EFNA5: variants seen among roughly 807,000 people sequenced by gnomAD.
The protein encoded by EFNA5 is ephrin-A5.
EFNA5 carries 5 observed loss-of-function variants against 22.9 expected under a neutral mutation model. The observed-to-expected ratio is 0.22, with a 90% CI of 0.11 to 0.46. The LOEUF (loss-of-function observed/expected upper bound fraction) is 0.46. Among genes scored for constraint, EFNA5 ranks in the 20% least tolerant of loss-of-function variants. The pLI is 0.99. For missense variants in EFNA5, 237 were observed against 293.3 expected, an observed-to-expected ratio of 0.81 and a Z score of 1.40; for synonymous variants, 113 against 112.2, an observed-to-expected ratio of 1.01 and a Z score of -0.04.
At chr5:107,658,246 T>C (rs1360693463) in intron 1 of EFNA5, among the ~76,000 whole-genome samples, 1 of 152,200 alleles carries the variant, frequency 6.6e-6, no homozygotes, top group Non-Finnish European at 1.5e-5. Flanking sequence ...GTGTTAAAAA[T>C]CTGTTTCTGC....
intron 1 of EFNA5, among the ~76,000 whole-genome samples, chr5:107,583,194 C>A (rs1476680830): frequency 6.6e-6 from 1 of 152,096 alleles, no homozygotes; most frequent in Admixed American, 6.6e-5. Context: ...AGCTTAACAT[C>A]AATCAGTTCT....
intron 1 of EFNA5, among the ~76,000 whole-genome samples, chr5:107,494,623 C>T (rs1286228296): frequency 6.6e-6 from 1 of 152,238 alleles, no homozygotes; most frequent in Non-Finnish European, 1.5e-5. Flanking sequence ...TCTGCAGCCC[C>T]GTTGGGGGAT....
chr5:107,668,513 G>A (rs1241459945), intron 1 of EFNA5, among the ~76,000 whole-genome samples: 2 of 152,102 alleles, frequency 1.3e-5, no homozygotes, highest in African/African-American at 2.4e-5. Flanking sequence ...GGTGTTGCTG[G>A]TTCTTTCCGT....
At chr5:107,634,644 G>A (rs1750334500) in intron 1 of EFNA5, among the ~76,000 whole-genome samples, 1 of 146,326 alleles carries the variant, frequency 6.8e-6, no homozygotes, top group Admixed American at 7.1e-5. Context: ...TCTGATATCA[G>A]GTGGATGTTC....
At chr5:107,486,417 A>C (rs1319079583) in intron 1 of EFNA5, among the ~76,000 whole-genome samples, 3 of 152,146 alleles carry the variant, frequency 2.0e-5, no homozygotes, top group Non-Finnish European at 4.4e-5. Context: ...ATAAGAAAGA[A>C]CTTATGATGA....
At chr5:107,387,445 C>A in intron 3 of EFNA5, 130 bp from the exon 4 acceptor site, 1 of 638,980 alleles carries the variant, frequency 1.6e-6, no homozygotes, top group Non-Finnish European at 2.7e-6. Context: ...ATGGCATGTT[C>A]CAAATGCCAA....
At chr5:107,420,522 TAAAAAAAAAAAAAAAAAAGAAAAA>T (rs1748624771) in intron 2 of EFNA5, among the ~76,000 whole-genome samples, 2 of 109,068 alleles carry the variant, frequency 1.8e-5, no homozygotes, top group Non-Finnish European at 3.6e-5. Flanking sequence ...TCTGTGCTTT[TAAAAAAAAAAAAAAAAAAGAAAAA>T]AAAAAAAGAA....
chr5:107,656,467 TA>T (rs1475467394), intron 1 of EFNA5, among the ~76,000 whole-genome samples: 4 of 152,314 alleles, frequency 2.6e-5, no homozygotes, highest in Admixed American at 1.3e-4. Context: ...CAATTTGGTC[TA>T]CCTTTTAAAA....
intron 1 of EFNA5, among the ~76,000 whole-genome samples, chr5:107,650,934 T>C (rs1041633675): frequency 4.6e-5 from 7 of 152,222 alleles, no homozygotes; most frequent in Admixed American, 3.9e-4. Flanking sequence ...CCTCCGGTTA[T>C]ACTAGTTATT....
At chr5:107,387,398 CTTT>C in intron 3 of EFNA5, 83 bp from the exon 4 acceptor site, 1 of 873,836 alleles carries the variant, frequency 1.1e-6, no homozygotes, top group Middle Eastern at 2.5e-4. Flanking sequence ...TCTTTCTCTC[CTTT>C]TTTTCTTTTT....
intron 1 of EFNA5, among the ~76,000 whole-genome samples, chr5:107,494,676 G>A (rs1746924375): frequency 6.6e-6 from 1 of 152,206 alleles, no homozygotes; most frequent in Non-Finnish European, 1.5e-5. Flanking sequence ...TGGTGGGGAC[G>A]TGGAGAACCT....
chr5:107,622,998 G>A (rs1043405083), intron 1 of EFNA5, among the ~76,000 whole-genome samples: 5 of 134,598 alleles, frequency 3.7e-5, no homozygotes, highest in Admixed American at 2.5e-4. Context: ...TCCGCAGTCC[G>A]GCCTGGGTGA....
intron 1 of EFNA5, among the ~76,000 whole-genome samples, chr5:107,666,030 A>C (rs1473782210): frequency 6.6e-6 from 1 of 152,162 alleles, no homozygotes; most frequent in Non-Finnish European, 1.5e-5. Flanking sequence ...TACTTGAAAA[A>C]CATTTATGTT....
intron 1 of EFNA5, among the ~76,000 whole-genome samples, chr5:107,552,620 A>G (rs1321080466): frequency 6.6e-6 from 1 of 152,248 alleles, no homozygotes; most frequent in Non-Finnish European, 1.5e-5. Flanking sequence ...ATGTAAAGTA[A>G]CTGATAACTT....
At chr5:107,643,310 A>G (rs1027700408) in intron 1 of EFNA5, among the ~76,000 whole-genome samples, 2 of 152,192 alleles carry the variant, frequency 1.3e-5, no homozygotes, top group Admixed American at 1.3e-4. Flanking sequence ...CTGGTCATAG[A>G]TTCAAATCCA....
intron 1 of EFNA5, among the ~76,000 whole-genome samples, chr5:107,667,715 C>T (rs1055306147): frequency 2.6e-5 from 4 of 152,114 alleles, no homozygotes; most frequent in African/African-American, 4.8e-5. Flanking sequence ...CAATTAAAGT[C>T]CTCTATTCTT....
intron 1 of EFNA5, among the ~76,000 whole-genome samples, chr5:107,593,060 G>A (rs1368178464): frequency 6.6e-6 from 1 of 152,234 alleles, no homozygotes; most frequent in Non-Finnish European, 1.5e-5. Flanking sequence ...TGTGGCATGA[G>A]ATCTCTGCTC....
At chr5:107,424,198 ATTT>A (rs70996959) in intron 2 of EFNA5, among the ~76,000 whole-genome samples, 1 of 95,704 alleles carries the variant, frequency 1.0e-5, no homozygotes, top group Non-Finnish European at 2.0e-5. Context: ...TCTTTCTTTC[ATTT>A]TTTTTTTTTT....
At chr5:107,663,262 A>G (rs1458517167) in intron 1 of EFNA5, among the ~76,000 whole-genome samples, 1 of 152,132 alleles carries the variant, frequency 6.6e-6, no homozygotes, top group East Asian at 1.9e-4. Context: ...GCCAAAAAAC[A>G]AGCTTTTCTA....
Sources: allele counts gnomAD v4.1 joint callset (sites outside exome capture counted in the v4.1 genomes callset), GRCh38; gene constraint gnomAD v4.1.1; transcripts MANE v1.5; gene names NCBI Gene and HGNC (gene_info 2026-07-23, HGNC 2026-07-21).